ZNF513: variants seen among roughly 807,000 people sequenced by gnomAD.
ZNF513 encodes the protein zinc finger protein 513.
ZNF513 carries 16 observed loss-of-function variants against 39.7 expected under a neutral mutation model. The observed-to-expected ratio is 0.40, with a 90% CI of 0.27 to 0.61. ZNF513 has a LOEUF of 0.61. ZNF513 is among the 20% of genes least tolerant of loss of function. The pLI, the probability that ZNF513 is intolerant of heterozygous loss-of-function variation, is 0.39. For synonymous variants in ZNF513, 348 were observed against 296.5 expected, an observed-to-expected ratio of 1.17 and a Z score of -1.79; for missense variants, 699 against 743.6, an observed-to-expected ratio of 0.94 and a Z score of 0.70.
At chr2:27,380,364 G>T (rs1034790318) in intron 1 of ZNF513, 108 bp downstream of exon 1, 1 of 1,596,766 alleles carries the variant, frequency 6.3e-7, no homozygotes, top group African/African-American at 1.3e-5. Context: ...GAAGCTAGGA[G>T]TCTGGATCGC....
In ZNF513 at chr2:27,377,320, C is replaced by T. The variant is rs575633762; in HGVS notation, c.*225G>A. The T allele has an allele frequency of 1.9e-4, 129 of 678,368 alleles. No homozygotes were observed. The highest frequency in any genetic ancestry group is 3.0e-4 in the Non-Finnish European group (114 of 373,900). The allele number at this position is 678,368 out of a possible 1,614,324, so 42.0% of individuals were successfully genotyped here. On this transcript the variant is annotated 3_prime_UTR_variant, in exon 4 of 4. Coordinates refer to ENST00000323703, the MANE Select transcript of ZNF513 (RefSeq NM_144631.6). This position sits in a 1 kb window ranked among gnomAD's most constrained non-coding sequence, Gnocchi z 4.4. ...TGGGCAGTCCCCCAGCCGGTTTGTC[C>T]ACAGCCCCTGGGGGCAGTGGAGGTG...
At chr2:27,379,445 T>A (rs1343387899) in intron 2 of ZNF513, among the ~76,000 whole-genome samples, 1 of 152,160 alleles carries the variant, frequency 6.6e-6, no homozygotes, top group Non-Finnish European at 1.5e-5. Flanking sequence ...CCCCTTTTAG[T>A]AAGGAGCTGA....
rs763824880 is a variant in ZNF513, at chr2:27,378,648, G to A, written c.618C>T (p.Tyr206=). 3 of 1,613,884 alleles carry A rather than the reference G, an allele frequency of 1.9e-6. No individual in the cohort carries two copies. In the South Asian group the frequency reaches 3.3e-5, roughly 18 times the overall value. Residue 206 remains tyrosine (Y), a synonymous_variant, in exon 3 of 4, where the codon TAC becomes TAT. Coordinates refer to ENST00000323703, the MANE Select transcript of ZNF513 (RefSeq NM_144631.6). This position sits in a 1 kb window ranked among gnomAD's most constrained non-coding sequence, Gnocchi z 8.0. ...HTRTHTGEKP[Y]RCPHCPFACS... ...AGGCAAAGGGGCAGTGGGGACAGCGGTAGGGCTTCTCGCCAGTGTGGGTGC... is the reference window on the plus strand; with the variant it reads ...AGGCAAAGGGGCAGTGGGGACAGCGATAGGGCTTCTCGCCAGTGTGGGTGC...
Position 27,378,011 on chromosome 2 carries a change from G to A in ZNF513, c.1160C>T (p.Pro387Leu), listed in dbSNP as rs1683422675. 2 of 1,612,670 alleles carry A rather than the reference G, an allele frequency of 1.2e-6. No homozygotes were observed. The highest frequency in any genetic ancestry group is 1.1e-5 in the South Asian group (1 of 91,076). ...RHMKTHSGEK[P>L]FRCARCPYAS... ...ATAAGGACAGCGGGCGCAGCGGAAG[G>A]GCTTCTCACCACTGTGTGTCTTCAT... Residue 387 changes from proline to leucine, a missense_variant, in exon 4 of 4, where the codon CCC becomes CTC. Pro to Leu is a moderately conservative substitution (Grantham distance 98). Transcript: ENST00000323703. The surrounding 1 kb of genome is among the most constrained non-coding windows in gnomAD (Gnocchi z 8.0).
Position 27,377,575 on chromosome 2 carries a change from G to A in ZNF513, c.1596C>T (p.Gly532=). ...ATGAGTCTGTGTGGACAGCCCGGCT[G>A]CCAGCAGTCCCCAGGGCTGGTGGGC... The part of the protein sequence containing the change: ...SRGPPALGTA[G]SRAVHTDSS The change falls in exon 4 of 4, where the codon GGC becomes GGT. Residue 532 remains glycine (G), a synonymous_variant. Coordinates refer to ENST00000323703, the MANE Select transcript of ZNF513 (RefSeq NM_144631.6). The surrounding 1 kb of genome is among the most constrained non-coding windows in gnomAD (Gnocchi z 4.4). 2 of 1,614,084 alleles carry A rather than the reference G, an allele frequency of 1.2e-6. No individual in the cohort carries two copies.
In ZNF513 at chr2:27,378,057, G is replaced by A. The variant is rs1572652399; in HGVS notation, c.1114C>T (p.Pro372Ser). The change falls in exon 4 of 4, where the codon CCC (proline) becomes TCC (serine). Residue 372 changes from proline (P) to serine (S), a missense_variant. Transcript: ENST00000323703. The surrounding 1 kb of genome is among the most constrained non-coding windows in gnomAD (Gnocchi z 8.0). ...CSLCPFATHYPNHLARHMKTH... is the reference protein window; with the variant it reads ...CSLCPFATHYSNHLARHMKTH... ...TTCATGTGCCGGGCCAGGTGGTTGG[G>A]ATAGTGAGTGGCAAAGGGGCAGAGG... The A allele has an allele frequency of 1.2e-5, 20 of 1,610,886 alleles. No homozygotes were observed. The highest frequency in any genetic ancestry group is 1.6e-5 in the Non-Finnish European group (19 of 1,177,798).
chr2:27,377,473 C>T lies in ZNF513; in HGVS notation c.*72G>A. On this transcript the variant is annotated 3_prime_UTR_variant, in exon 4 of 4. Coordinates refer to ENST00000323703, the MANE Select transcript of ZNF513 (RefSeq NM_144631.6). The surrounding 1 kb of genome is among the most constrained non-coding windows in gnomAD (Gnocchi z 4.4). ...AGTGCCTACGTTAGTCTGTGTGGAG[C>T]CCCTGGCCAGCGGGGGAGAAAAAGG... 2.0e-6 allele frequency: 3 copies of T among 1,531,356 alleles called. No homozygotes were observed. Among genetic ancestry groups the T allele is most frequent in the Non-Finnish European group, 2.7e-6 (3 of 1,111,306 alleles). The allele number at this position is 1,531,356 out of a possible 1,614,324, so 94.9% of individuals were successfully genotyped here.
chr2:27,377,669 C>A lies in ZNF513; in HGVS notation c.1502G>T (p.Gly501Val). Residue 501 changes from glycine (G) to valine (V), a missense_variant, in exon 4 of 4, where the codon GGG (glycine) becomes GTG (valine). Gly to Val is a moderately radical substitution (Grantham distance 109). Around this residue, in one of 3 missense-constraint regions of ZNF513, gnomAD observed 71 missense variants for 64.1 expected, o/e 1.11. Transcript: ENST00000323703. This position sits in a 1 kb window ranked among gnomAD's most constrained non-coding sequence, Gnocchi z 4.4. ...GCCCTCAGAGGCAGAGAGACCAGGC[C>A]CTCCTGCCCCACCGTGGCCATGCAC... ...QKVHGHGGAG[G>V]PGLSASEGWA... is the part of the protein sequence containing the mutation. 1 of 1,614,150 alleles carries A rather than the reference C, an allele frequency of 6.2e-7. No individual in the cohort carries two copies. The highest frequency in any genetic ancestry group is 1.1e-5 in the South Asian group (1 of 91,080).
rs1437454924 is a variant in ZNF513 at position 27,378,943 on chromosome 2, G to A, written c.323C>T (p.Pro108Leu). ...TGGCCTCTCACCCCTGGCCTCCCCT[G>A]GACCCCTGGCTGGCTCCTCAACTTC... is the stretch of plus-strand genomic sequence containing the variant. Reference protein sequence around the residue: ...ESEVEEPARGPGEARGERPGP... With the variant: ...ESEVEEPARGLGEARGERPGP... The change falls in exon 3 of 4, where the codon CCA becomes CTA. Residue 108 changes from proline (P) to leucine (L), a missense_variant. Pro to Leu is a moderately conservative substitution (Grantham distance 98). Transcript: ENST00000323703. This position sits in a 1 kb window ranked among gnomAD's most constrained non-coding sequence, Gnocchi z 8.0. 1.9e-6 allele frequency: 3 copies of A among 1,611,240 alleles called. No homozygotes were observed. Among genetic ancestry groups the A allele is most frequent in the Admixed American group, 3.3e-5 (2 of 59,796 alleles).
intron 2 of ZNF513, among the ~76,000 whole-genome samples, chr2:27,379,386 C>T (rs1021700235): frequency 1.3e-5 from 2 of 152,114 alleles, no homozygotes; most frequent in Non-Finnish European, 2.9e-5. Context: ...AGTAAAAATA[C>T]GAAAGGGAGA....
At chr2:27,380,434 C>A in intron 1 of ZNF513, 38 bp downstream of exon 1, 4 of 1,578,476 alleles carry the variant, frequency 2.5e-6, no homozygotes, top group Non-Finnish European at 2.6e-6. Context: ...ACTGACCCCA[C>A]CCCCGCTCCT....
Position 27,377,609 on chromosome 2 carries a change from C to A in ZNF513, c.1562G>T (p.Ser521Ile). The change falls in exon 4 of 4, where the codon AGC (serine) becomes ATC (isoleucine). Residue 521 changes from serine to isoleucine, a missense_variant. Transcript: ENST00000323703. This position sits in a 1 kb window ranked among gnomAD's most constrained non-coding sequence, Gnocchi z 4.4. ...APPHSPPSVL[S>I]SRGPPALGTA... ...CCCCAGGGCTGGTGGGCCCCGAGAG[C>A]TCAAAACAGAGGGTGGGCTATGAGG... The A allele has an allele frequency of 6.2e-7, 1 of 1,614,106 alleles. No individual in the cohort carries two copies. Among genetic ancestry groups the A allele is most frequent in the Non-Finnish European group, 8.5e-7 (1 of 1,180,036 alleles).
chr2:27,377,523 A>C lies in ZNF513; in HGVS notation c.*22T>G, dbSNP rs1337360818. 3 of 1,612,930 alleles carry C rather than the reference A, an allele frequency of 1.9e-6. No individual in the cohort carries two copies. Among genetic ancestry groups the C allele is most frequent in the Admixed American group, 1.7e-5 (1 of 60,012 alleles). On this transcript the variant is annotated 3_prime_UTR_variant, in exon 4 of 4. Coordinates refer to ENST00000323703, the MANE Select transcript of ZNF513 (RefSeq NM_144631.6). This position sits in a 1 kb window ranked among gnomAD's most constrained non-coding sequence, Gnocchi z 4.4. The stretch of plus-strand genomic sequence containing the variant: ...GTGGCTTCTGGTCCGTCTGTATAAA[A>C]CATGGGGAAGAAGGACCTAGTTCAG...
At position 27,378,613 on chromosome 2, in the gene ZNF513, A is replaced by G. The variant is rs776707997; in HGVS notation, c.653T>C (p.Leu218Pro). 3.1e-6 allele frequency: 5 copies of G among 1,613,702 alleles called. No homozygotes were observed. Among genetic ancestry groups the G allele is most frequent in the African/African-American group, 1.3e-5 (1 of 74,914 alleles). The change falls in exon 3 of 4, where the codon CTG becomes CCG. Residue 218 changes from leucine to proline, a missense_variant. Transcript: ENST00000323703. This position sits in a 1 kb window ranked among gnomAD's most constrained non-coding sequence, Gnocchi z 8.0. ...ACGCTGATGCCGCCTCAGGTTGCCC[A>G]GGCTGCTGCAGGCAAAGGGGCAGTG... ...CPHCPFACSS[L>P]GNLRRHQRTH...
rs748499954 is a variant in ZNF513 at position 27,377,655 on chromosome 2, CAG to C, written c.1514_1515del (p.Ser505CysfsTer3). 8.1e-6 allele frequency: 13 copies of C among 1,614,024 alleles called. No homozygotes were observed. Among genetic ancestry groups the C allele is most frequent in the Admixed American group, 1.7e-5 (1 of 60,012 alleles). ...GHGGAGGPGL[S>X]ASEGWAPPHS... Reference sequence around the variant, plus strand: ...TGAGGTGGGGCCCAGCCCTCAGAGGCAGAGAGACCAGGCCCTCCTGCCCCACC... The same window carrying C: ...TGAGGTGGGGCCCAGCCCTCAGAGGCAGAGACCAGGCCCTCCTGCCCCACC... On this transcript the variant is annotated frameshift_variant, in exon 4 of 4. Transcript: ENST00000323703. LOFTEE classifies it high-confidence loss of function. This position sits in a 1 kb window ranked among gnomAD's most constrained non-coding sequence, Gnocchi z 4.4.
rs374192541 is a variant in ZNF513 at position 27,378,729 on chromosome 2, G to A, written c.537C>T (p.Arg179=). ...CTGAGGCGTAGGGGCAGCGGCCACA[G>A]CGGAACGGCTTCTCTCCGCTGTGTG... is the stretch of plus-strand genomic sequence containing the variant. ...MQTHSGEKPF[R]CGRCPYASAQ... The change falls in exon 3 of 4, where the codon CGC becomes CGT. Residue 179 remains arginine (R), a synonymous_variant. Coordinates refer to ENST00000323703, the MANE Select transcript of ZNF513 (RefSeq NM_144631.6). The surrounding 1 kb of genome is among the most constrained non-coding windows in gnomAD (Gnocchi z 8.0). 51 of 1,613,894 alleles carry A rather than the reference G, an allele frequency of 3.2e-5. No individual in the cohort carries two copies. Among genetic ancestry groups the A allele is most frequent in the Admixed American group, 8.3e-5 (5 of 60,004 alleles).
rs537904358 is a variant in ZNF513 at position 27,379,078 on chromosome 2, G to T, written c.212-24C>A. The T allele has an allele frequency of 4.4e-6, 7 of 1,607,988 alleles. No homozygotes were observed. In the East Asian group the frequency reaches 1.6e-4, roughly 36 times the overall value. ...TCCTGGTGAAATAGACATAAGAAGA[G>T]ACATCAGCATAGGGTAGGATCAGGC... is the stretch of plus-strand genomic sequence containing the variant. On this transcript the variant is annotated intron_variant, in intron 2 of 3. Transcript: ENST00000323703.
intron 2 of ZNF513, among the ~76,000 whole-genome samples, chr2:27,379,791 AAAAGT>A (rs1205418424): frequency 6.6e-6 from 1 of 152,190 alleles, no homozygotes; most frequent in African/African-American, 2.4e-5. Context: ...AACCTCTCTT[AAAAGT>A]AAATACACAT....
Position 27,378,311 on chromosome 2 carries a change from G to C in ZNF513, c.860C>G (p.Pro287Arg). 1 of 1,601,094 alleles carries C rather than the reference G, an allele frequency of 6.2e-7. No individual in the cohort carries two copies. Among genetic ancestry groups the C allele is most frequent in the Non-Finnish European group, 8.5e-7 (1 of 1,179,966 alleles). Reference sequence around the variant, plus strand: ...TTCACCCCGCAGCTGCCCACAGTCTGGCAGGAAACTGGCACCACCTGGTGG... The same window carrying C: ...TTCACCCCGCAGCTGCCCACAGTCTCGCAGGAAACTGGCACCACCTGGTGG... ...HVPPGGASFLPDCGQLRGEGE... is the reference protein window; with the variant it reads ...HVPPGGASFLRDCGQLRGEGE... The change falls in exon 4 of 4, where the codon CCA becomes CGA. Residue 287 changes from proline (P) to arginine (R), a missense_variant. By Grantham distance (103) the Pro-to-Arg change is moderately radical. Transcript: ENST00000323703. This position sits in a 1 kb window ranked among gnomAD's most constrained non-coding sequence, Gnocchi z 8.0.
Sources: gnomAD v4.1 joint callset for allele counts (sites outside exome capture counted in the v4.1 genomes callset) on GRCh38, gnomAD v4.1.1 for gene constraint, gnomAD v4.1.1 regional missense constraint, Gnocchi (gnomAD v3.1) non-coding constraint, MANE v1.5 for transcripts, NCBI Gene and HGNC (gene_info 2026-07-23, HGNC 2026-07-21) for gene names.